FBN2: variants seen among roughly 807,000 people sequenced by gnomAD.
FBN2 encodes the protein fibrillin 2, also known as fibrillin-2.
FBN2 carries 105 observed loss-of-function variants against 355.6 expected under a neutral mutation model. The ratio of observed to expected loss-of-function variants is 0.30; its 90% CI spans 0.25 to 0.35. The LOEUF (loss-of-function observed/expected upper bound fraction) is 0.35, where lower values mean the gene tolerates loss of function less well. Among genes scored for constraint, FBN2 ranks in the 10% least tolerant of loss-of-function variants. The probability of loss-of-function intolerance (pLI) is 1.00; values close to 1 mark genes in which losing one functional copy is unlikely to be tolerated. For synonymous variants in FBN2, 1,350 were observed against 1,301.2 expected (o/e 1.04, Z -0.81); for missense variants, 3,280 against 3,758.7 (o/e 0.87, Z 3.33).
intron 7 of FBN2, among the ~76,000 whole-genome samples, chr5:128,434,851 G>A (rs1753734413): frequency 6.6e-6 from 1 of 152,008 alleles, no homozygotes; most frequent in African/African-American, 2.4e-5. Flanking sequence ...TCAACAAAAT[G>A]TTCACCTGAT....
chr5:128,508,140 T>A (rs1471625364), intron 5 of FBN2, among the ~76,000 whole-genome samples: 1 of 152,082 alleles, frequency 6.6e-6, no homozygotes, highest in Non-Finnish European at 1.5e-5. Flanking sequence ...ATCTTTTAGG[T>A]CTTAATCCAT....
intron 34 of FBN2, chr5:128,328,296 G>A (rs998638327): frequency 2.5e-6 from 1 of 397,592 alleles, no homozygotes; most frequent in African/African-American, 2.0e-5. Flanking sequence ...CAACCACGAA[G>A]GTAAATGCCA....
Position 128,305,521 on chromosome 5 carries a change from C to T in FBN2, c.5664G>A (p.Gly1888=). Residue 1888 remains glycine (G), a synonymous_variant, in exon 44 of 65, where the codon GGG becomes GGA. Transcript: ENST00000262464. ...CAAGFKLSPN[G]ACVDRNECLE... Reference sequence around the variant, plus strand: ...CAGCCTCTTTCTTACCTACACAGGCCCCATTGGGTGAAAGTTTGAAACCCG... The same window carrying T: ...CAGCCTCTTTCTTACCTACACAGGCTCCATTGGGTGAAAGTTTGAAACCCG... 6.2e-7 allele frequency: 1 copy of T among 1,613,954 alleles called. No individual in the cohort carries two copies. The highest frequency in any genetic ancestry group is 8.5e-7 in the Non-Finnish European group (1 of 1,179,954).
chr5:128,314,826 C>A (rs1305195666), intron 36 of FBN2, among the ~76,000 whole-genome samples: 1 of 152,144 alleles, frequency 6.6e-6, no homozygotes, highest in Non-Finnish European at 1.5e-5. Context: ...TGTCTTTTGT[C>A]ATACATCTCA....
chr5:128,517,798 C>A (rs1478728048), intron 5 of FBN2, among the ~76,000 whole-genome samples: 3 of 152,222 alleles, frequency 2.0e-5, no homozygotes, highest in Middle Eastern at 6.8e-3. Context: ...TTGACCCCTA[C>A]TTATCTGTAA....
At chr5:128,528,548 G>A (rs773490318) in intron 3 of FBN2, among the ~76,000 whole-genome samples, 4 of 152,152 alleles carry the variant, frequency 2.6e-5, no homozygotes, top group Non-Finnish European at 5.9e-5. Flanking sequence ...AAGTACCACG[G>A]AGAAACTTCA....
chr5:128,449,424 A>AT (rs1561462772), intron 6 of FBN2, among the ~76,000 whole-genome samples: 172 of 138,738 alleles, frequency 1.2e-3, no homozygotes, highest in African/African-American at 4.5e-3. Flanking sequence ...TATACTATAT[A>AT]ATAGTATACT....
At chr5:128,412,841 G>C (rs958604720) in intron 7 of FBN2, among the ~76,000 whole-genome samples, 1 of 152,196 alleles carries the variant, frequency 6.6e-6, no homozygotes, top group Non-Finnish European at 1.5e-5. Flanking sequence ...GTTTAATGTG[G>C]ACAGATGATA....
intron 4 of FBN2, among the ~76,000 whole-genome samples, chr5:128,522,011 T>C (rs926508977): frequency 2.0e-5 from 3 of 152,204 alleles, no homozygotes; most frequent in Non-Finnish European, 4.4e-5. Flanking sequence ...TCTTGTTATT[T>C]TTAATGAATC....
intron 6 of FBN2, among the ~76,000 whole-genome samples, chr5:128,456,132 T>C (rs1754389315): frequency 6.6e-6 from 1 of 150,550 alleles, no homozygotes; most frequent in Non-Finnish European, 1.5e-5. Flanking sequence ...TTGGATGGCT[T>C]GGTCCCAAGA....
chr5:128,536,562 C>A lies in FBN2; in HGVS notation c.255-78G>T. Reference sequence around the variant, plus strand: ...ATATAAACGGTCTTCGTAAGCAATGCCCCGAGCGAGTAGATTTCAGGACAA... The same window carrying A: ...ATATAAACGGTCTTCGTAAGCAATGACCCGAGCGAGTAGATTTCAGGACAA... On this transcript the variant is annotated intron_variant, in intron 1 of 64. Transcript: ENST00000262464. 5.2e-6 allele frequency: 5 copies of A among 965,848 alleles called. No individual in the cohort carries two copies. In the Admixed American group the frequency reaches 5.9e-5, roughly 11 times the overall value. The allele number at this position is 965,848 out of a possible 1,614,324, so 59.8% of individuals were successfully genotyped here.
In FBN2 at chr5:128,369,323, G is replaced by C. The variant is rs748861935; in HGVS notation, c.2107C>G (p.Arg703Gly). The change falls in exon 16 of 65, where the codon CGC becomes GGC. Residue 703 changes from arginine to glycine, a missense_variant. Physicochemically the swap from Arg to Gly is moderately radical, Grantham distance 125 (BLOSUM62 -2). Transcript: ENST00000262464. ...TTGATTCCTCCATAGCAGGTACTGC[G>C]CATGTGAGTATCTAAAGGAGATACA... The part of the protein sequence containing the change: ...DGRVCVDTHM[R>G]STCYGGIKKG... The C allele has an allele frequency of 6.2e-7, 1 of 1,614,038 alleles. No homozygotes were observed. The highest frequency in any genetic ancestry group is 1.1e-5 in the South Asian group (1 of 91,086).
chr5:128,427,462 G>C (rs966802041), intron 7 of FBN2, among the ~76,000 whole-genome samples: 1 of 152,146 alleles, frequency 6.6e-6, no homozygotes, highest in East Asian at 1.9e-4. Flanking sequence ...CTCAGACCAA[G>C]GGGAACTGAG....
intron 7 of FBN2, among the ~76,000 whole-genome samples, chr5:128,427,362 A>G (rs1326789114): frequency 8.0e-6 from 1 of 124,930 alleles, no homozygotes; most frequent in Non-Finnish European, 1.9e-5. Flanking sequence ...TGTTCTCTAT[A>G]GAAACTAAAT....
intron 48 of FBN2, among the ~76,000 whole-genome samples, chr5:128,294,851 T>C (rs1298709500): frequency 9.4e-6 from 1 of 106,450 alleles, no homozygotes; most frequent in Non-Finnish European, 1.9e-5. Context: ...TAGATCCCAT[T>C]TGTCAATTTT....
intron 32 of FBN2, among the ~76,000 whole-genome samples, chr5:128,331,694 C>T (rs778562732): frequency 1.1e-4 from 16 of 151,996 alleles, no homozygotes; most frequent in Non-Finnish European, 2.1e-4. Context: ...AGAGCGAGGG[C>T]ATGTGAGAGA....
chr5:128,259,617 G>C lies in FBN2; in HGVS notation c.8577C>G (p.Ala2859=). ...QRNGLSYLHT[A]KKKLMPGTYT... ...ATGTGCCGGGCATGAGCTTCTTCTT[G>C]GCCGTGTGCAAGTAGCTGAGCCCAT... Residue 2859 remains alanine (A), a synonymous_variant, in exon 65 of 65, where the codon GCC becomes GCG. Transcript: ENST00000262464. 6.2e-7 allele frequency: 1 copy of C among 1,614,056 alleles called. No homozygotes were observed. The highest frequency in any genetic ancestry group is 8.5e-7 in the Non-Finnish European group (1 of 1,180,012).
At chr5:128,361,681 G>A (rs1751640886) in intron 19 of FBN2, 42 bp downstream of exon 19, 4 of 1,610,224 alleles carry the variant, frequency 2.5e-6, no homozygotes, top group Non-Finnish European at 3.4e-6. Context: ...ACAACTCCAG[G>A]TACTCACTAT....
At chr5:128,524,024 T>C (rs1035806020) in intron 4 of FBN2, among the ~76,000 whole-genome samples, 4 of 152,002 alleles carry the variant, frequency 2.6e-5, no homozygotes, top group African/African-American at 4.8e-5. Flanking sequence ...TCCAGTGACT[T>C]CTCATAATAT....
Sources: gnomAD v4.1 joint callset for allele counts (sites outside exome capture counted in the v4.1 genomes callset) on GRCh38, gnomAD v4.1.1 for gene constraint, MANE v1.5 for transcripts, NCBI Gene and HGNC (gene_info 2026-07-23, HGNC 2026-07-21) for gene names.